The following XIRP2 variants were observed in gnomAD, a reference collection of about 807,000 sequenced individuals.
XIRP2 encodes the protein xin actin-binding repeat-containing protein 2.
A neutral mutation model predicts 277.0 loss-of-function variants in XIRP2; 236 were observed. That is an observed-to-expected ratio of 0.85 (90% CI 0.77 to 0.95). The LOEUF (loss-of-function observed/expected upper bound fraction) is 0.95. XIRP2 is among the 40% of genes least tolerant of loss of function. The pLI is 0.00. For missense variants in XIRP2, 4,640 were observed against 4,157.5 expected, an observed-to-expected ratio of 1.12 and a Z score of -3.19; for synonymous variants, 1,490 against 1,416.5, an observed-to-expected ratio of 1.05 and a Z score of -1.17.
chr2:166,890,346 C>T (rs2105323776), intron 1 of XIRP2, among the ~76,000 whole-genome samples: 1 of 152,124 alleles, frequency 6.6e-6, no homozygotes. Context: ...TCAGAATCAC[C>T]TCTTGGTGCT....
rs565906628 is a variant in XIRP2 at position 166,924,094 on chromosome 2, T to C, written c.408+20204T>C. Among the ~76,000 whole-genome samples the C allele has an allele frequency of 1.9e-3, 284 of 152,212 alleles. 2 individuals carry two copies. The highest frequency in any genetic ancestry group is 6.4e-3 in the African/African-American group (268 of 41,554). ...TCTGAACTGAGTAGGTCAGTGGATA[T>C]AGTTGAGTATCTTCCTTTGGAGATG... On this transcript the variant is annotated intron_variant, in intron 2 of 10. Transcript: ENST00000409195.
intron 1 of XIRP2, among the ~76,000 whole-genome samples, chr2:166,903,205 T>A (rs757042199): frequency 5.9e-5 from 9 of 152,158 alleles, no homozygotes; most frequent in Non-Finnish European, 1.0e-4. Context: ...AATTGTGTGT[T>A]CTTCACTTTT....
chr2:167,117,953 C>T (rs1690940914), intron 2 of XIRP2, among the ~76,000 whole-genome samples: 1 of 152,088 alleles, frequency 6.6e-6, no homozygotes, highest in Non-Finnish European at 1.5e-5. Context: ...TGAGATCTGA[C>T]CAAAATTCTG....
chr2:167,044,123 A>T (rs772279384), intron 2 of XIRP2, among the ~76,000 whole-genome samples: 5 of 152,094 alleles, frequency 3.3e-5, no homozygotes, highest in Non-Finnish European at 7.4e-5. Flanking sequence ...GATTCAACAT[A>T]CAAAATCTAT....
intron 2 of XIRP2, among the ~76,000 whole-genome samples, chr2:167,002,814 AGAAAGAT>A (rs1687406722): frequency 6.6e-6 from 1 of 151,140 alleles, no homozygotes; most frequent in African/African-American, 2.5e-5. Context: ...GTGAGTGAAA[AGAAAGAT>A]GATAATGTTA....
intron 2 of XIRP2, among the ~76,000 whole-genome samples, chr2:166,982,163 CT>C (rs966509921): frequency 6.6e-6 from 1 of 151,692 alleles, no homozygotes; most frequent in African/African-American, 2.4e-5. Flanking sequence ...TTTAAAGGTT[CT>C]TTTTCACTCT....
At chr2:167,143,597 C>T (rs1019356174) in intron 3 of XIRP2, among the ~76,000 whole-genome samples, 5 of 152,016 alleles carry the variant, frequency 3.3e-5, no homozygotes, top group African/African-American at 9.7e-5. Context: ...AGAGTGGGTG[C>T]TAGATTCTAA....
intron 2 of XIRP2, among the ~76,000 whole-genome samples, chr2:166,973,735 G>C (rs1686633849): frequency 6.6e-6 from 1 of 152,176 alleles, no homozygotes; most frequent in Admixed American, 6.6e-5. Context: ...CATTTGGCAA[G>C]TACTGCATTA....
intron 2 of XIRP2, among the ~76,000 whole-genome samples, chr2:167,070,767 G>A (rs556205886): frequency 2.0e-5 from 3 of 152,232 alleles, no homozygotes; most frequent in African/African-American, 4.8e-5. Flanking sequence ...CAGGCTCAAG[G>A]AAAGTTGTTT....
chr2:167,166,435 T>C (rs544827303), intron 3 of XIRP2, among the ~76,000 whole-genome samples: 3 of 152,330 alleles, frequency 2.0e-5, no homozygotes, highest in Admixed American at 2.0e-4. Context: ...TATTGTGCTA[T>C]TTTTGCATAA....
rs569955776 is a variant in XIRP2 at position 167,212,533 on chromosome 2, T to A, written c.723+1638T>A. Among the ~76,000 whole-genome samples the A allele has an allele frequency of 3.2e-3, 493 of 152,312 alleles. 20 individuals are homozygous for A. In the East Asian group the frequency reaches 0.067, roughly 21 times the overall value. The stretch of plus-strand genomic sequence containing the variant: ...AAAATCAAAAACTTTAGGGCTAATC[T>A]CAAAATGTCTACATATAAAGAATTT... On this transcript the variant is annotated intron_variant, in intron 4 of 10. Coordinates refer to ENST00000409195, the MANE Select transcript of XIRP2 (RefSeq NM_152381.6).
intron 2 of XIRP2, among the ~76,000 whole-genome samples, chr2:166,941,549 T>A (rs1403420850): frequency 6.6e-6 from 1 of 152,232 alleles, no homozygotes; most frequent in Non-Finnish European, 1.5e-5. Context: ...CACTGGGAGC[T>A]GTAGACTGGA....
intron 2 of XIRP2, among the ~76,000 whole-genome samples, chr2:167,043,046 A>G (rs1688698953): frequency 6.6e-6 from 1 of 152,246 alleles, no homozygotes; most frequent in South Asian, 2.1e-4. Context: ...AAATCATACA[A>G]TTACATGGAA....
In XIRP2 at chr2:167,177,340, A is replaced by G. The variant is rs576572454; in HGVS notation, c.563-33395A>G. On this transcript the variant is annotated intron_variant, in intron 3 of 10. Coordinates refer to ENST00000409195, the MANE Select transcript of XIRP2 (RefSeq NM_152381.6). ...AAAACAATACTGTAATTCTATATTT[A>G]TATGTATGAATGTAGAGTATTCAGC... Among the ~76,000 whole-genome samples the G allele has an allele frequency of 6.6e-5, 10 of 152,318 alleles. No individual in the cohort carries two copies. In the East Asian group the frequency reaches 1.7e-3, roughly 26 times the overall value.
At chr2:167,186,138 T>G (rs1559011960) in intron 3 of XIRP2, among the ~76,000 whole-genome samples, 1 of 152,176 alleles carries the variant, frequency 6.6e-6, no homozygotes, top group Non-Finnish European at 1.5e-5. Context: ...CAATTAAAAT[T>G]TAAATGTCTA....
At chr2:166,952,006 G>C (rs1366039442) in intron 2 of XIRP2, among the ~76,000 whole-genome samples, 1 of 151,984 alleles carries the variant, frequency 6.6e-6, no homozygotes, top group Non-Finnish European at 1.5e-5. Context: ...GTGTGCTTCA[G>C]TTGCTTCATC....
At chr2:167,088,242 A>G (rs1244044978) in intron 2 of XIRP2, among the ~76,000 whole-genome samples, 1 of 152,054 alleles carries the variant, frequency 6.6e-6, no homozygotes. Context: ...CCATCCCCTA[A>G]AGCAGGAAGT....
chr2:167,165,185 T>A (rs944835812), intron 3 of XIRP2, among the ~76,000 whole-genome samples: 57 of 152,314 alleles, frequency 3.7e-4, no homozygotes, highest in African/African-American at 1.3e-3. Flanking sequence ...TAGCTCATTT[T>A]CTTCTACATT....
intron 2 of XIRP2, among the ~76,000 whole-genome samples, chr2:166,978,138 G>A (rs79797572): frequency 0.034 from 5,212 of 151,894 alleles, 109 homozygotes; most frequent in East Asian, 0.078. Context: ...AATATTCTTC[G>A]TCTCATCATG....
Sources: allele counts gnomAD v4.1 joint callset (sites outside exome capture counted in the v4.1 genomes callset), GRCh38; gene constraint gnomAD v4.1.1; transcripts MANE v1.5; gene names NCBI Gene and HGNC (gene_info 2026-07-23, HGNC 2026-07-21).